TMCC2: variants seen among roughly 807,000 people sequenced by gnomAD.
The protein encoded by TMCC2 is transmembrane and coiled-coil domain family 2, also known as transmembrane and coiled-coil domains protein 2.
TMCC2 carries 16 observed loss-of-function variants against 49.4 expected under a neutral mutation model. The ratio of observed to expected loss-of-function variants is 0.32; its 90% confidence interval spans 0.22 to 0.49. The LOEUF (loss-of-function observed/expected upper bound fraction) is 0.49, where lower values mean the gene tolerates loss of function less well. Among genes scored for constraint, TMCC2 ranks in the 20% least tolerant of loss-of-function variants. TMCC2 has a pLI of 0.99. For missense variants in TMCC2, 762 were observed against 989.8 expected, an observed-to-expected ratio of 0.77 and a Z score of 3.09; for synonymous variants, 397 against 434.1, an observed-to-expected ratio of 0.91 and a Z score of 1.06.
chr1:205,255,806 C>G (rs955243953), intron 2 of TMCC2, among the ~76,000 whole-genome samples: 11 of 152,144 alleles, frequency 7.2e-5, no homozygotes, highest in African/African-American at 2.7e-4. Context: ...TACAAATAAC[C>G]CTTATGCAAG....
intron 2 of TMCC2, chr1:205,268,118 G>A (rs1484763374): frequency 1.0e-6 from 1 of 978,268 alleles, no homozygotes; most frequent in Non-Finnish European, 1.2e-6. Flanking sequence ...GAGCTGCGTT[G>A]TTAGTGAACA....
At chr1:205,243,319 G>T (rs1300506495) in intron 2 of TMCC2, among the ~76,000 whole-genome samples, 1 of 152,206 alleles carries the variant, frequency 6.6e-6, no homozygotes, top group African/African-American at 2.4e-5. Context: ...GGGAGGCGGA[G>T]GTTGTAGTGA....
intron 1 of TMCC2, among the ~76,000 whole-genome samples, chr1:205,239,163 G>C (rs915376709): frequency 4.6e-5 from 7 of 152,176 alleles, no homozygotes; most frequent in East Asian, 3.8e-4. Context: ...GTTTAGGAAT[G>C]GGGGGAGAAG....
chr1:205,248,842 C>A (rs1660557869), intron 2 of TMCC2, among the ~76,000 whole-genome samples: 1 of 152,166 alleles, frequency 6.6e-6, no homozygotes, highest in South Asian at 2.1e-4. Flanking sequence ...AGAACCTCTC[C>A]CCAGCTGATC....
chr1:205,240,257 C>T (rs985043348), intron 1 of TMCC2, among the ~76,000 whole-genome samples: 2 of 152,270 alleles, frequency 1.3e-5, no homozygotes, highest in African/African-American at 4.8e-5. Context: ...TGGAATTATA[C>T]CACAGTTGCT....
rs200732061 is a variant in TMCC2 at position 205,269,244 on chromosome 1, G to A, written c.1042G>A (p.Ala348Thr). 5.6e-6 allele frequency: 9 copies of A among 1,613,866 alleles called. No individual in the cohort carries two copies. The highest frequency in any genetic ancestry group is 2.2e-5 in the East Asian group (1 of 44,884). Residue 348 changes from alanine (A) to threonine (T), a missense_variant, in exon 3 of 5, where the codon GCC becomes ACC. Ala to Thr is a moderately conservative substitution (Grantham distance 58). Around this residue, in one of 2 missense-constraint regions of TMCC2, gnomAD observed 440 missense variants for 636.7 expected, o/e 0.69. Transcript: ENST00000358024. Reference sequence around the variant, plus strand: ...GAACCAGAAGTCAGCCCAGACCATCGCCCAGCTGCACAAGAAGCTGGAGCA... The same window carrying A: ...GAACCAGAAGTCAGCCCAGACCATCACCCAGCTGCACAAGAAGCTGGAGCA... ...KKNQKSAQTI[A>T]QLHKKLEHYR...
chr1:205,229,753 C>G (rs1659718200), intron 1 of TMCC2: 1 of 985,320 alleles, frequency 1.0e-6, no homozygotes, highest in African/African-American at 1.7e-5. Flanking sequence ...CAGCTAGAAC[C>G]AGAAGCCGAA....
intron 2 of TMCC2, among the ~76,000 whole-genome samples, chr1:205,266,254 A>C (rs1661325087): frequency 6.7e-6 from 1 of 149,494 alleles, no homozygotes. Context: ...AAAAAAAAAA[A>C]AAAAAAAGTT....
intron 1 of TMCC2, among the ~76,000 whole-genome samples, chr1:205,238,506 G>C (rs928074554): frequency 6.6e-6 from 1 of 152,080 alleles, no homozygotes; most frequent in Non-Finnish European, 1.5e-5. Context: ...GGGTCTCCTG[G>C]TCACTTTCCC....
Position 205,264,903 on chromosome 1 carries a change from G to T in TMCC2, c.748-4047G>T, listed in dbSNP as rs575469753. ...ACTATAATTGTTATCCTTATCCTTT[G>T]TCCAAAACATTTAGAATTTGAGAAA... On this transcript the variant is annotated intron_variant, in intron 2 of 4. Coordinates refer to ENST00000358024, the MANE Select transcript of TMCC2 (RefSeq NM_014858.4). The surrounding 1 kb of genome is among the most constrained non-coding windows in gnomAD (Gnocchi z 4.2). Among the ~76,000 whole-genome samples the T allele has an allele frequency of 1.3e-5, 2 of 152,174 alleles. No homozygotes were observed. Among genetic ancestry groups the T allele is most frequent in the Non-Finnish European group, 2.9e-5 (2 of 68,032 alleles).
At chr1:205,258,539 G>T (rs937851635) in intron 2 of TMCC2, among the ~76,000 whole-genome samples, 1 of 152,068 alleles carries the variant, frequency 6.6e-6, no homozygotes, top group African/African-American at 2.4e-5. Flanking sequence ...GGAGCACCCG[G>T]GTCAGCTGTG....
chr1:205,234,307 A>C (rs1574827999), intron 1 of TMCC2, among the ~76,000 whole-genome samples: 1 of 152,068 alleles, frequency 6.6e-6, no homozygotes, highest in Admixed American at 6.5e-5. Flanking sequence ...TTAGCCAGGC[A>C]TGGTGGCGGG....
At chr1:205,252,889 G>A (rs948230636) in intron 2 of TMCC2, among the ~76,000 whole-genome samples, 4 of 151,544 alleles carry the variant, frequency 2.6e-5, no homozygotes, top group Non-Finnish European at 4.4e-5. Flanking sequence ...GGGAGGCCAA[G>A]GCAGGAGGAT....
At chr1:205,234,933 A>T (rs1438673934) in intron 1 of TMCC2, among the ~76,000 whole-genome samples, 1 of 152,182 alleles carries the variant, frequency 6.6e-6, no homozygotes, top group Non-Finnish European at 1.5e-5. Context: ...TGCTGGGATT[A>T]TAAGCGTGAG....
chr1:205,231,078 C>G (rs1574823353), intron 1 of TMCC2, among the ~76,000 whole-genome samples: 1 of 148,214 alleles, frequency 6.7e-6, no homozygotes, highest in African/African-American at 2.5e-5. Context: ...CCAGCTGCAG[C>G]CTGCTTGTGG....
chr1:205,262,922 G>A (rs962859414), intron 2 of TMCC2, among the ~76,000 whole-genome samples: 10 of 152,238 alleles, frequency 6.6e-5, no homozygotes, highest in African/African-American at 4.8e-5. Flanking sequence ...ATCTCGTGGT[G>A]AGTCCGTAGT....
chr1:205,248,554 GT>G (rs1306253043), intron 2 of TMCC2, among the ~76,000 whole-genome samples: 1 of 152,194 alleles, frequency 6.6e-6, no homozygotes, highest in Non-Finnish European at 1.5e-5. Flanking sequence ...GCATTGGCAG[GT>G]GATTAGAGAA....
intron 1 of TMCC2, among the ~76,000 whole-genome samples, chr1:205,240,827 G>A (rs1660235927): frequency 6.6e-6 from 1 of 152,220 alleles, no homozygotes; most frequent in South Asian, 2.1e-4. Flanking sequence ...AGTGCTCCCA[G>A]AAGCTCTCAC....
At chr1:205,229,640 C>T in intron 1 of TMCC2, 1 of 983,738 alleles carries the variant, frequency 1.0e-6, no homozygotes, top group African/African-American at 1.8e-5. Flanking sequence ...GAGATCTCTG[C>T]CTGCCTGCTG....
Sources: allele counts gnomAD v4.1 joint callset (sites outside exome capture counted in the v4.1 genomes callset), GRCh38; gene constraint gnomAD v4.1.1; regional missense constraint gnomAD v4.1.1; non-coding constraint Gnocchi (gnomAD v3.1); transcripts MANE v1.5; gene names NCBI Gene and HGNC (gene_info 2026-07-23, HGNC 2026-07-21).